ADAM22: variants seen among roughly 807,000 people sequenced by gnomAD.
The protein encoded by ADAM22 is ADAM metallopeptidase domain 22.
A neutral mutation model predicts 144.6 loss-of-function variants in ADAM22; 65 were observed. That is an observed-to-expected ratio of 0.45 (90% CI 0.37 to 0.55). The LOEUF is 0.55. Ranked by LOEUF, ADAM22 falls within the 20% of genes least tolerant of loss-of-function variation. ADAM22 has a pLI of 0.00. For missense variants in ADAM22, 974 were observed against 1,184.9 expected (o/e 0.82, Z 2.61); for synonymous variants, 391 against 412.6 (o/e 0.95, Z 0.63).
intron 20 of ADAM22, among the ~76,000 whole-genome samples, chr7:88,152,362 C>G (rs1260153959): frequency 1.3e-5 from 2 of 151,930 alleles, no homozygotes; most frequent in Non-Finnish European, 2.9e-5. Flanking sequence ...AAGATAAAAG[C>G]CTGAAAAAGA....
At chr7:88,059,366 T>A (rs542779420) in intron 3 of ADAM22, among the ~76,000 whole-genome samples, 1 of 152,158 alleles carries the variant, frequency 6.6e-6, no homozygotes, top group Non-Finnish European at 1.5e-5. Flanking sequence ...AACAAATGAA[T>A]TCAGTTGAAA....
chr7:88,078,907 A>G (rs551056361), intron 4 of ADAM22, among the ~76,000 whole-genome samples: 1 of 152,360 alleles, frequency 6.6e-6, no homozygotes, highest in South Asian at 2.1e-4. Flanking sequence ...AATGGAACCA[A>G]GTTGCAAAAC....
At chr7:88,053,392 CT>C (rs1244258488) in intron 3 of ADAM22, among the ~76,000 whole-genome samples, 3 of 151,864 alleles carry the variant, frequency 2.0e-5, no homozygotes, top group Non-Finnish European at 4.4e-5. Context: ...TCACTTGAGC[CT>C]GGGAGTTTGA....
intron 4 of ADAM22, among the ~76,000 whole-genome samples, chr7:88,085,984 G>C (rs1563185969): frequency 6.6e-6 from 1 of 152,110 alleles, no homozygotes; most frequent in Non-Finnish European, 1.5e-5. Flanking sequence ...AGACCATCAT[G>C]GCTAACACGG....
chr7:87,955,914 C>T (rs552817236), intron 2 of ADAM22, among the ~76,000 whole-genome samples: 20 of 152,314 alleles, frequency 1.3e-4, no homozygotes, highest in African/African-American at 2.2e-4. Flanking sequence ...ACTCCATGGG[C>T]GTAGGACCCT....
At chr7:88,024,502 A>T (rs958333294) in intron 3 of ADAM22, among the ~76,000 whole-genome samples, 1 of 152,094 alleles carries the variant, frequency 6.6e-6, no homozygotes, top group East Asian at 1.9e-4. Flanking sequence ...GGATAAATGT[A>T]TATTCAGATA....
intron 2 of ADAM22, among the ~76,000 whole-genome samples, chr7:87,954,399 T>C (rs1242567598): frequency 1.3e-5 from 2 of 152,194 alleles, no homozygotes; most frequent in Admixed American, 6.5e-5. Context: ...CCTTCACTTA[T>C]GAAGCTTACT....
intron 2 of ADAM22, among the ~76,000 whole-genome samples, chr7:87,961,651 TGCCGTAAAGCTTACTAAGTA>T (rs1301179228): frequency 6.6e-6 from 1 of 152,230 alleles, no homozygotes; most frequent in East Asian, 1.9e-4. Context: ...AGAATTAGCC[TGCCGTAAAGCTTACTAAGTA>T]GCAGATACTT....
At chr7:88,157,578 G>C (rs1840322168) in intron 22 of ADAM22, among the ~76,000 whole-genome samples, 1 of 151,978 alleles carries the variant, frequency 6.6e-6, no homozygotes, top group South Asian at 2.1e-4. Context: ...CCAAGAAAGA[G>C]AAAGACAGGG....
At position 88,199,064 on chromosome 7, in the gene ADAM22, A is replaced by C. The variant is rs1015959251; in HGVS notation, c.*2573A>C. Reference sequence around the variant, plus strand: ...AGTTTCAAGAAGTATCTATATGTATACTCATGGTTGGGGTTCTAGAGGCAT... The same window carrying C: ...AGTTTCAAGAAGTATCTATATGTATCCTCATGGTTGGGGTTCTAGAGGCAT... On this transcript the variant is annotated 3_prime_UTR_variant, in exon 32 of 32. Transcript: ENST00000413139. 2 of 152,126 alleles carry C rather than the reference A, an allele frequency of 1.3e-5. No individual in the cohort carries two copies. The highest frequency in any genetic ancestry group is 2.9e-5 in the Non-Finnish European group (2 of 68,028). 9.4% of individuals were successfully genotyped at this position (152,126 alleles called of 1,614,324 possible). A position where few individuals can be genotyped will look rare whatever the true frequency, so the allele number is the denominator to read the frequency against.
chr7:88,085,443 T>C (rs1411693361), intron 4 of ADAM22, among the ~76,000 whole-genome samples: 1 of 152,194 alleles, frequency 6.6e-6, no homozygotes, highest in Admixed American at 6.5e-5. Context: ...AAGAGCTGGA[T>C]GCAGTGTCAT....
intron 3 of ADAM22, among the ~76,000 whole-genome samples, chr7:88,064,548 C>G (rs757318393): frequency 6.6e-6 from 1 of 152,050 alleles, no homozygotes; most frequent in Non-Finnish European, 1.5e-5. Flanking sequence ...CTGGGAAGTT[C>G]AAGATCAAGG....
At chr7:87,975,011 C>T (rs138812151) in intron 2 of ADAM22, among the ~76,000 whole-genome samples, 336 of 152,242 alleles carry the variant, frequency 2.2e-3, no homozygotes, top group African/African-American at 7.9e-3. Context: ...ATAATCTCCC[C>T]AAGTCAAGGT....
chr7:88,123,313 G>A (rs1276996902), intron 7 of ADAM22, among the ~76,000 whole-genome samples: 1 of 151,774 alleles, frequency 6.6e-6, no homozygotes, highest in African/African-American at 2.4e-5. Context: ...TTCTAAGTTG[G>A]TGTAAAAGTG....
At chr7:88,146,064 C>G (rs1208443891) in intron 17 of ADAM22, among the ~76,000 whole-genome samples, 2 of 152,142 alleles carry the variant, frequency 1.3e-5, no homozygotes, top group African/African-American at 4.8e-5. Context: ...CCAGCAGCAT[C>G]CTCATACCTA....
chr7:88,181,472 T>A, intron 27 of ADAM22, 33 bp from the exon 28 acceptor site: 1 of 1,585,456 alleles, frequency 6.3e-7, no homozygotes, highest in Non-Finnish European at 8.7e-7. Context: ...TTGGTTACAT[T>A]TTTGAACAAT....
intron 2 of ADAM22, among the ~76,000 whole-genome samples, chr7:87,937,534 C>G (rs1841527210): frequency 6.6e-6 from 1 of 152,168 alleles, no homozygotes. Context: ...CTGGAAATGT[C>G]TTTGGGTACC....
intron 2 of ADAM22, among the ~76,000 whole-genome samples, chr7:87,950,960 T>A (rs1170613009): frequency 1.3e-5 from 2 of 152,264 alleles, no homozygotes; most frequent in South Asian, 4.1e-4. Context: ...TCTGTTCATA[T>A]CCTTTGCAAA....
At chr7:88,038,670 G>A (rs1361932545) in intron 3 of ADAM22, among the ~76,000 whole-genome samples, 3 of 151,750 alleles carry the variant, frequency 2.0e-5, no homozygotes, top group African/African-American at 7.3e-5. Context: ...AGCCAGGATG[G>A]TCTCGATCTC....
Sources: allele counts gnomAD v4.1 joint callset (sites outside exome capture counted in the v4.1 genomes callset), GRCh38; gene constraint gnomAD v4.1.1; transcripts MANE v1.5; gene names NCBI Gene and HGNC (gene_info 2026-07-23, HGNC 2026-07-21).